CABIN1: variants seen among roughly 807,000 people sequenced by gnomAD.
CABIN1 encodes the protein calcineurin binding protein 1.
A neutral mutation model predicts 227.7 loss-of-function variants in CABIN1; 133 were observed. The ratio of observed to expected loss-of-function variants is 0.58; its 90% CI spans 0.51 to 0.67. CABIN1 has a LOEUF of 0.67. Ranked by LOEUF, CABIN1 falls within the 30% of genes least tolerant of loss-of-function variation. CABIN1 has a pLI of 0.00. For synonymous variants in CABIN1, 1,086 were observed against 1,155.1 expected (o/e 0.94, Z 1.21); for missense variants, 2,408 against 2,852.5 (o/e 0.84, Z 3.55).
intron 34 of CABIN1, among the ~76,000 whole-genome samples, chr22:24,172,449 G>T (rs931283907): frequency 1.3e-5 from 2 of 152,228 alleles, no homozygotes; most frequent in Non-Finnish European, 2.9e-5. Flanking sequence ...TTACCTGTGA[G>T]CAGTTCCTGG....
chr22:24,032,015 C>G (rs1449479089), intron 1 of CABIN1, among the ~76,000 whole-genome samples: 1 of 152,050 alleles, frequency 6.6e-6, no homozygotes, highest in African/African-American at 2.4e-5. Flanking sequence ...ACCATTTTAC[C>G]CACTTTTTAA....
intron 1 of CABIN1, among the ~76,000 whole-genome samples, chr22:24,013,377 T>C (rs2034987683): frequency 6.6e-6 from 1 of 151,646 alleles, no homozygotes; most frequent in Non-Finnish European, 1.5e-5. Flanking sequence ...TTTGTATTTT[T>C]TAGTAGAGAC....
chr22:24,176,805 ACTC>A (rs1253492087), intron 35 of CABIN1, among the ~76,000 whole-genome samples: 1 of 151,990 alleles, frequency 6.6e-6, no homozygotes, highest in African/African-American at 2.4e-5. Flanking sequence ...CCCCTTGGGG[ACTC>A]CTCCTGGCCT....
chr22:24,104,461 TCAGGCTTCTGATATGTCTGC>T (rs1569221866), intron 26 of CABIN1, among the ~76,000 whole-genome samples: 1 of 152,174 alleles, frequency 6.6e-6, no homozygotes, highest in Non-Finnish European at 1.5e-5. Context: ...TCTACACATA[TCAGGCTTCTGATATGTCTGC>T]CAGGCTTCGA....
intron 29 of CABIN1, among the ~76,000 whole-genome samples, chr22:24,146,297 TTTAA>T (rs2045111345): frequency 6.6e-6 from 1 of 152,240 alleles, no homozygotes; most frequent in Non-Finnish European, 1.5e-5. Flanking sequence ...AGGTCCTGTT[TTTAA>T]GAGTCTTAAA....
rs1426533910 is a variant in CABIN1 at position 24,178,390 on chromosome 22, AGAG to A, written c.*202_*204del. ...GGCTGTCCACACCACATGGGAGCCCAGAGGAGGAGGGGCCCGCCTTAGCCATGT... is the reference window on the plus strand; with the variant it reads ...GGCTGTCCACACCACATGGGAGCCCAGAGGAGGGGCCCGCCTTAGCCATGT... On this transcript the variant is annotated 3_prime_UTR_variant, in exon 37 of 37. Coordinates refer to ENST00000263119, the MANE Select transcript of CABIN1 (RefSeq NM_012295.4). The A allele has an allele frequency of 9.1e-6, 6 of 662,406 alleles. No homozygotes were observed. Among genetic ancestry groups the A allele is most frequent in the Non-Finnish European group, 1.3e-5 (5 of 394,812 alleles). The allele number at this position is 662,406 out of a possible 1,614,324, so 41.0% of individuals were successfully genotyped here.
intron 34 of CABIN1, among the ~76,000 whole-genome samples, chr22:24,172,888 C>G (rs553134217): frequency 1.3e-5 from 2 of 152,312 alleles, no homozygotes; most frequent in Admixed American, 6.5e-5. Flanking sequence ...GAGCCCTTCC[C>G]TGTTGGTTCC....
At chr22:24,106,032 C>G (rs2042493773) in intron 26 of CABIN1, among the ~76,000 whole-genome samples, 1 of 152,200 alleles carries the variant, frequency 6.6e-6, no homozygotes, top group Non-Finnish European at 1.5e-5. Context: ...TAGGCTGTTC[C>G]TGAGGCCAGA....
rs192766862 is a variant in CABIN1 at position 24,050,974 on chromosome 22, C to T, written c.806C>T (p.Thr269Ile). 14 of 1,614,134 alleles carry T rather than the reference C, an allele frequency of 8.7e-6. No homozygotes were observed. The highest frequency in any genetic ancestry group is 1.3e-5 in the African/African-American group (1 of 75,038). The change falls in exon 8 of 37, where the codon ACC (threonine) becomes ATC (isoleucine). Residue 269 changes from threonine to isoleucine, a missense_variant and splice_region_variant. Physicochemically the swap from Thr to Ile is moderately conservative, Grantham distance 89 (BLOSUM62 -1). Transcript: ENST00000263119. ...CTTGTGCAGCCCATTCCTTTCTTCA[C>T]GTAGGTTGTCTAGCGTCTCTGGGAG... is the stretch of plus-strand genomic sequence containing the variant. ...LKLVQPIPFF[T>I]WKCLGESLLA... is the part of the protein sequence containing the mutation.
At chr22:24,109,013 G>A (rs1351009222) in intron 26 of CABIN1, among the ~76,000 whole-genome samples, 1 of 152,194 alleles carries the variant, frequency 6.6e-6, no homozygotes, top group Non-Finnish European at 1.5e-5. Flanking sequence ...AACACTTTAT[G>A]TGTATTAACC....
At chr22:24,091,437 G>A in intron 23 of CABIN1, 146 bp from the exon 24 acceptor site, 2 of 1,031,900 alleles carry the variant, frequency 1.9e-6, no homozygotes, top group Non-Finnish European at 3.0e-6. Context: ...GTCACCAGCT[G>A]TGAAATGGTG....
chr22:24,173,574 G>A (rs988861518), intron 34 of CABIN1, among the ~76,000 whole-genome samples: 22 of 152,194 alleles, frequency 1.4e-4, no homozygotes, highest in African/African-American at 3.6e-4. Flanking sequence ...GGTGGCTCAC[G>A]CCTGTAATCC....
At position 24,071,242 on chromosome 22, in the gene CABIN1, G is replaced by A. The variant is rs1266788629; in HGVS notation, c.2475+200G>A. 4 of 682,198 alleles carry A rather than the reference G, an allele frequency of 5.9e-6. No individual in the cohort carries two copies. In the African/African-American group the frequency reaches 7.1e-5, roughly 12 times the overall value. The allele number at this position is 682,198 out of a possible 1,614,324, so 42.3% of individuals were successfully genotyped here. A position where few individuals can be genotyped will look rare whatever the true frequency, so the allele number is the denominator to read the frequency against. ...CCTTCCTGGGGCTGGTCGGATCTGG[G>A]GATTAGAGACTGTGTAGCACTTGGT... is the stretch of plus-strand genomic sequence containing the variant. On this transcript the variant is annotated intron_variant, in intron 17 of 36. Transcript: ENST00000263119.
At chr22:24,079,515 T>G (rs1046920218) in intron 19 of CABIN1, among the ~76,000 whole-genome samples, 14 of 152,344 alleles carry the variant, frequency 9.2e-5, no homozygotes, top group Admixed American at 5.9e-4. Flanking sequence ...TTTTATACTT[T>G]TGATAGCTGT....
At position 24,098,187 on chromosome 22, in the gene CABIN1, C is replaced by T. The variant is rs1046884840; in HGVS notation, c.4112C>T (p.Pro1371Leu). ...KCKKPHQQAT[P>L]DDRSQDSTAV... ...AAAAAACCCCACCAGCAGGCAACGC[C>T]GGACGGTACAGTCCCTGTTCTCCCT... Residue 1371 changes from proline (P) to leucine (L), a missense_variant, in exon 26 of 37, where the codon CCG (proline) becomes CTG (leucine). Transcript: ENST00000263119. The T allele has an allele frequency of 9.9e-6, 16 of 1,613,988 alleles. 1 individual carries two copies. The highest frequency in any genetic ancestry group is 2.2e-5 in the South Asian group (2 of 91,084).
intron 1 of CABIN1, among the ~76,000 whole-genome samples, chr22:24,033,470 A>G (rs1471014019): frequency 4.6e-5 from 7 of 152,168 alleles, no homozygotes. Context: ...CCTAGCAGTT[A>G]TTTTAATTGA....
intron 26 of CABIN1, among the ~76,000 whole-genome samples, chr22:24,100,667 C>T (rs1385351057): frequency 1.3e-5 from 2 of 152,154 alleles, no homozygotes; most frequent in African/African-American, 4.8e-5. Flanking sequence ...AGCCCTGGTA[C>T]AGCTGAGGAG....
intron 5 of CABIN1, 48 bp from the exon 6 acceptor site, chr22:24,042,856 G>GTGTGTTCAAGGAGAGATCTGAC (rs2037520100): frequency 9.8e-7 from 1 of 1,018,312 alleles, no homozygotes; most frequent in African/African-American, 1.6e-5. Context: ...GTGTGTGTGT[G>GTGTGTTCAAGGAGAGATCTGAC]TGTGTGTGTG....
In CABIN1 at chr22:24,087,623, G is replaced by A. The variant is rs1210322226; in HGVS notation, c.3435G>A (p.Glu1145=). The A allele has an allele frequency of 1.9e-6, 3 of 1,614,098 alleles. No individual in the cohort carries two copies. The highest frequency in any genetic ancestry group is 2.7e-5 in the African/African-American group (2 of 74,932). The change falls in exon 23 of 37, where the codon GAG becomes GAA. Residue 1145 remains glutamate (E), a synonymous_variant. Transcript: ENST00000263119. ...IDSSNLSLWI[E]YGTMSYALHS... Reference sequence around the variant, plus strand: ...GCTCCAACTTGTCCCTATGGATTGAGTATGGCACCATGTCCTATGCCTTGC... The same window carrying A: ...GCTCCAACTTGTCCCTATGGATTGAATATGGCACCATGTCCTATGCCTTGC...
Sources: gnomAD v4.1 joint callset for allele counts (sites outside exome capture counted in the v4.1 genomes callset) on GRCh38, gnomAD v4.1.1 for gene constraint, MANE v1.5 for transcripts, NCBI Gene and HGNC (gene_info 2026-07-23, HGNC 2026-07-21) for gene names.